PREX1: variants seen among roughly 807,000 people sequenced by gnomAD.
PREX1 encodes phosphatidylinositol-3,4,5-trisphosphate dependent Rac exchange factor 1.
In PREX1, 41 loss-of-function variants were observed where a neutral mutation model predicts 198.3. The observed-to-expected ratio is 0.21, with a 90% CI of 0.16 to 0.27. The LOEUF is 0.27. Ranked by LOEUF, PREX1 falls within the 10% of genes least tolerant of loss-of-function variation. PREX1 has a pLI of 1.00. For missense variants in PREX1, 1,620 were observed against 2,200.7 expected (o/e 0.74, Z 5.28); for synonymous variants, 843 against 887.2 (o/e 0.95, Z 0.89).
chr20:48,690,858 T>TA, intron 9 of PREX1, 89 bp downstream of exon 9: 1 of 1,567,316 alleles, frequency 6.4e-7, no homozygotes, highest in Non-Finnish European at 8.7e-7. Context: ...AAAAGGACCC[T>TA]ATGCCCCTTC....
chr20:48,862,803 A>ATG, the PREX1 span, among the ~76,000 whole-genome samples: 1 of 123,716 alleles, frequency 8.1e-6, no homozygotes, highest in African/African-American at 3.0e-5. Context: ...ATATATATAT[A>ATG]TATATATATA....
rs192371790 is a variant in PREX1, at chr20:48,803,670, G to A, written c.219+23972C>T. Among the ~76,000 whole-genome samples, 15 of 152,230 alleles carry A rather than the reference G, an allele frequency of 9.9e-5. No homozygotes were observed. The South Asian group carries it at 1.0e-3, about 11-fold the overall frequency. On this transcript the variant is annotated intron_variant, in intron 1 of 39. Transcript: ENST00000371941. ...CCCGAGGTCTGATATCCTGGAAGTC[G>A]TGCCCTGAGTCCTGCTCTTAGTACA...
chr20:48,728,581 C>T (rs1486770632), intron 4 of PREX1, among the ~76,000 whole-genome samples: 2 of 152,236 alleles, frequency 1.3e-5, no homozygotes, highest in South Asian at 2.1e-4. Flanking sequence ...CCGGGCCCCA[C>T]GCTGCTCACA....
chr20:48,651,189 G>A, intron 22 of PREX1, 134 bp from the exon 23 acceptor site: 1 of 1,296,564 alleles, frequency 7.7e-7, no homozygotes, highest in Non-Finnish European at 1.0e-6. Flanking sequence ...ATATTGCACG[G>A]GAGTAAACTG....
At chr20:48,717,427 C>A (rs1340981343) in intron 5 of PREX1, among the ~76,000 whole-genome samples, 4 of 151,828 alleles carry the variant, frequency 2.6e-5, no homozygotes, top group African/African-American at 9.7e-5. Flanking sequence ...GTGCTGAAGT[C>A]CCCTGCGGCC....
the PREX1 span, among the ~76,000 whole-genome samples, chr20:48,856,558 A>T: frequency 6.6e-6 from 1 of 152,346 alleles, no homozygotes; most frequent in Middle Eastern, 3.4e-3. Context: ...CAGTGTCAGG[A>T]TCAGGCTCAA....
chr20:48,871,898 G>A, the PREX1 span, among the ~76,000 whole-genome samples: 2 of 151,890 alleles, frequency 1.3e-5, no homozygotes, highest in African/African-American at 2.4e-5. Context: ...GGTGGTTCAC[G>A]CCTGTAATCC....
intron 4 of PREX1, 51 bp downstream of exon 4, chr20:48,734,495 C>T (rs777905971): frequency 8.6e-6 from 13 of 1,510,420 alleles, no homozygotes; most frequent in Non-Finnish European, 1.2e-5. Context: ...CCAGATTCCA[C>T]AAGGATGAGG....
At chr20:48,775,765 T>C (rs942065638) in intron 1 of PREX1, among the ~76,000 whole-genome samples, 4 of 152,198 alleles carry the variant, frequency 2.6e-5, no homozygotes, top group Admixed American at 6.5e-5. Context: ...CCGCCATCCA[T>C]GTAAAATGTG....
At chr20:48,832,557 A>C (rs186313647), upstream of PREX1, among the ~76,000 whole-genome samples, 106 of 152,292 alleles carry the variant, frequency 7.0e-4, 2 homozygotes, top group South Asian at 0.016. Flanking sequence ...GCTGTTCCTC[A>C]TTCTGAGAAC....
intron 1 of PREX1, among the ~76,000 whole-genome samples, chr20:48,796,257 T>C (rs2090361825): frequency 6.6e-6 from 1 of 150,676 alleles, no homozygotes; most frequent in Non-Finnish European, 1.5e-5. Flanking sequence ...TGGCAAAAGA[T>C]GGGCACAACC....
At position 48,632,394 on chromosome 20, in the gene PREX1, G is replaced by A; in HGVS notation, c.4412-3C>T. 6.2e-7 allele frequency: 1 copy of A among 1,613,674 alleles called. No individual in the cohort carries two copies. Among genetic ancestry groups the A allele is most frequent in the South Asian group, 1.1e-5 (1 of 91,068 alleles). ...CAGCCCCTCCACGTTCTCCAGCACT[G>A]GGAGGGGAGATGTCGGGGGCGGGCA... On this transcript the variant is annotated splice_polypyrimidine_tract_variant and splice_region_variant and intron_variant, in intron 34 of 39. Coordinates refer to ENST00000371941, the MANE Select transcript of PREX1 (RefSeq NM_020820.4).
At chr20:48,650,669 G>A (rs2089487962) in intron 23 of PREX1, among the ~76,000 whole-genome samples, 1 of 152,252 alleles carries the variant, frequency 6.6e-6, no homozygotes, top group Non-Finnish European at 1.5e-5. Context: ...GTTTGCCTGA[G>A]AGTGAACCCA....
At chr20:48,797,140 C>T (rs1314465000) in intron 1 of PREX1, among the ~76,000 whole-genome samples, 2 of 152,010 alleles carry the variant, frequency 1.3e-5, no homozygotes, top group Non-Finnish European at 2.9e-5. Context: ...CGGTGGAAAG[C>T]ATTTCTGGAA....
chr20:48,681,389 G>C, intron 10 of PREX1, 54 bp from the exon 11 acceptor site: 4 of 1,566,114 alleles, frequency 2.6e-6, no homozygotes, highest in Non-Finnish European at 3.5e-6. Context: ...TGGGACCACA[G>C]GAATCAGCAC....
At chr20:48,713,226 C>T (rs569590984) in intron 5 of PREX1, among the ~76,000 whole-genome samples, 11 of 152,088 alleles carry the variant, frequency 7.2e-5, no homozygotes, top group Admixed American at 4.6e-4. Context: ...CCAAGGCGGG[C>T]GGATCACCTG....
Position 48,800,639 on chromosome 20 carries a change from C to G in PREX1, c.219+27003G>C, listed in dbSNP as rs117558484. 2.4e-3 allele frequency among the ~76,000 whole-genome samples: 369 copies of G among 152,136 alleles called. 9 individuals carry two copies. The highest frequency in any genetic ancestry group is 0.017 in the East Asian group (86 of 5,170). On this transcript the variant is annotated intron_variant, in intron 1 of 39. Transcript: ENST00000371941. ...GAAGCTGCAGAACTTACCTACGAGG[C>G]GTAAAAGGGAGTACAGCCTCTCAGA...
At chr20:48,763,519 G>C (rs1267937631) in intron 1 of PREX1, among the ~76,000 whole-genome samples, 2 of 152,224 alleles carry the variant, frequency 1.3e-5, no homozygotes, top group African/African-American at 4.8e-5. Flanking sequence ...GCTGACACTT[G>C]ACATCTGAAG....
chr20:48,656,501 TCTG>T, intron 18 of PREX1: 1 of 456,734 alleles, frequency 2.2e-6, no homozygotes, highest in Non-Finnish European at 4.4e-6. Context: ...TCAGCTTCCT[TCTG>T]CTCTTCCAAT....
Sources: allele counts gnomAD v4.1 joint callset (sites outside exome capture counted in the v4.1 genomes callset), GRCh38; gene constraint gnomAD v4.1.1; transcripts MANE v1.5; gene names NCBI Gene and HGNC (gene_info 2026-07-23, HGNC 2026-07-21).